FKTN: variants seen among roughly 807,000 people sequenced by gnomAD.
FKTN encodes fukutin, also known as ribitol-5-phosphate transferase FKTN.
A neutral mutation model predicts 58.6 loss-of-function variants in FKTN; 47 were observed. That is an observed-to-expected ratio of 0.80 (90% CI 0.63 to 1.02). The LOEUF is 1.02. Among genes scored for constraint, FKTN ranks in the 50% least tolerant of loss-of-function variants. FKTN has a pLI of 0.00. For synonymous variants in FKTN, 178 were observed against 191.9 expected, an observed-to-expected ratio of 0.93 and a Z score of 0.60; for missense variants, 516 against 537.3, an observed-to-expected ratio of 0.96 and a Z score of 0.39.
In FKTN at chr9:105,606,869, A is replaced by G. The variant is rs188992967; in HGVS notation, c.648-950A>G. The stretch of plus-strand genomic sequence containing the variant: ...ACCAAGCCATATTTTCAAAATGACC[A>G]AAAAAAATGAGTAGAGATGGAGAAC... On this transcript the variant is annotated intron_variant, in intron 6 of 10. Coordinates refer to ENST00000357998, the MANE Select transcript of FKTN (RefSeq NM_001079802.2). 4.2e-3 allele frequency among the ~76,000 whole-genome samples: 633 copies of G among 151,230 alleles called. 6 individuals carry two copies. Among genetic ancestry groups the G allele is most frequent in the African/African-American group, 0.014 (594 of 41,378 alleles).
rs763737649 is a variant in FKTN at position 105,604,420 on chromosome 9, A to G, written c.575A>G (p.Lys192Arg). ...CTCTGGCACGGCCACTTGAGACTTA[A>G]AGAACACATTGACAGGAAATTTGTT... Reference protein sequence around the residue: ...NYLWHGHLRLKEHIDRKFVPF... With the variant: ...NYLWHGHLRLREHIDRKFVPF... Residue 192 changes from lysine (K) to arginine (R), a missense_variant, in exon 6 of 11, where the codon AAA (lysine) becomes AGA (arginine). Transcript: ENST00000357998. 2.5e-6 allele frequency: 4 copies of G among 1,614,106 alleles called. No homozygotes were observed. The East Asian group carries it at 8.9e-5, about 36-fold the overall frequency.
At position 105,615,275 on chromosome 9, in the gene FKTN, T is replaced by C; in HGVS notation, c.781-3T>C. The C allele has an allele frequency of 6.2e-7, 1 of 1,613,766 alleles. No individual in the cohort carries two copies. Among genetic ancestry groups the C allele is most frequent in the Non-Finnish European group, 8.5e-7 (1 of 1,179,646 alleles). ...AATAGCTGACTATTTATTATATCTG[T>C]AGCAGTACCTTGATGATAACACTGT... On this transcript the variant is annotated splice_polypyrimidine_tract_variant and splice_region_variant and intron_variant, in intron 7 of 10. Coordinates refer to ENST00000357998, the MANE Select transcript of FKTN (RefSeq NM_001079802.2).
Position 105,569,291 on chromosome 9 carries a change from TA to T in FKTN, c.-180-4356del, listed in dbSNP as rs959680513. Among the ~76,000 whole-genome samples, 72 of 151,828 alleles carry T rather than the reference TA, an allele frequency of 4.7e-4. 1 individual carries two copies. Among genetic ancestry groups the T allele is most frequent in the Admixed American group, 1.8e-3 (28 of 15,252 alleles). On this transcript the variant is annotated intron_variant, in intron 1 of 10. Transcript: ENST00000357998. ...TACCCTAGAGCTTAAAATATAATAA[TA>T]AAAAAAATAAGTAAATAAAAAAGAA...
chr9:105,598,040 T>G (rs1356230980), intron 4 of FKTN: 5 of 402,306 alleles, frequency 1.2e-5, no homozygotes, highest in Non-Finnish European at 2.5e-5. Context: ...ATTTAAAGCT[T>G]AAAATAATAG....
intron 3 of FKTN, among the ~76,000 whole-genome samples, chr9:105,579,584 A>G (rs1842460997): frequency 6.6e-6 from 1 of 150,630 alleles, no homozygotes; most frequent in Non-Finnish European, 1.5e-5. Context: ...CTTTACTTCC[A>G]AGTATGTGGT....
intron 1 of FKTN, among the ~76,000 whole-genome samples, chr9:105,564,327 G>A (rs143815259): frequency 0.013 from 2,051 of 152,302 alleles, 27 homozygotes; most frequent in African/African-American, 0.028. Flanking sequence ...AGAGAAGAAG[G>A]CTTCAGACGA....
At chr9:105,634,508 T>TGA (rs1833850115) in intron 10 of FKTN, among the ~76,000 whole-genome samples, 2 of 152,156 alleles carry the variant, frequency 1.3e-5, no homozygotes, top group Non-Finnish European at 2.9e-5. Flanking sequence ...TTATAACTAG[T>TGA]ATTCCTTGGG....
chr9:105,559,806 G>T (rs555726498), intron 1 of FKTN, among the ~76,000 whole-genome samples: 209 of 152,304 alleles, frequency 1.4e-3, no homozygotes, highest in Middle Eastern at 3.4e-3. Context: ...TCTCTCACAG[G>T]TGGTAGTTAA....
chr9:105,572,121 C>G lies in FKTN; in HGVS notation c.-180-1534C>G, dbSNP rs77432901. On this transcript the variant is annotated intron_variant, in intron 1 of 10. Coordinates refer to ENST00000357998, the MANE Select transcript of FKTN (RefSeq NM_001079802.2). ...ATTGTTTTCACAGTTTTGGGAGATA[C>G]AAAATAATTATGATTTATTAGGTTA... 9.1e-3 allele frequency among the ~76,000 whole-genome samples: 1,377 copies of G among 151,926 alleles called. 21 individuals carry two copies. The highest frequency in any genetic ancestry group is 0.032 in the African/African-American group (1,321 of 41,412).
chr9:105,625,256 C>G (rs569764889), intron 10 of FKTN, among the ~76,000 whole-genome samples: 1 of 152,232 alleles, frequency 6.6e-6, no homozygotes, highest in Admixed American at 6.5e-5. Flanking sequence ...TGGAAGTTTT[C>G]TCTGAAAGTG....
chr9:105,565,114 C>T (rs77506496), intron 1 of FKTN, among the ~76,000 whole-genome samples: 51 of 152,224 alleles, frequency 3.4e-4, no homozygotes, highest in Admixed American at 3.3e-3. Flanking sequence ...ATTTTGTCAC[C>T]ACCAGGCCTG....
At chr9:105,600,928 C>T in intron 4 of FKTN, 1 of 464,524 alleles carries the variant, frequency 2.2e-6, no homozygotes, top group Non-Finnish European at 3.9e-6. Flanking sequence ...CATATTTCAC[C>T]TTATATTGAA....
chr9:105,598,857 T>C (rs934888028), intron 4 of FKTN, among the ~76,000 whole-genome samples: 1 of 152,154 alleles, frequency 6.6e-6, no homozygotes, highest in Non-Finnish European at 1.5e-5. Flanking sequence ...AGTTCTGTTA[T>C]CTCATCTTTC....
At chr9:105,598,510 ATGAATGGGC>A (rs1398871551) in intron 4 of FKTN, 1 of 153,604 alleles carries the variant, frequency 6.5e-6, no homozygotes, top group Admixed American at 6.5e-5. Context: ...ACACAGGCAG[ATGAATGGGC>A]TATTATGGTC....
intron 1 of FKTN, among the ~76,000 whole-genome samples, chr9:105,563,326 C>T (rs1027439831): frequency 2.0e-5 from 3 of 152,172 alleles, no homozygotes; most frequent in Non-Finnish European, 4.4e-5. Context: ...GTGCAGCGCA[C>T]CGAGCGTGAG....
rs978338266 is a variant in FKTN at position 105,607,824 on chromosome 9, A to T, written c.653A>T (p.Glu218Val). ...GRYPGAFDRP[E>V]LQQVTVDGLE... ...ATCTTAACTTTTGTTTTCAGGCCAGAGTTACAGCAAGTTACTGTTGATGGA... is the reference window on the plus strand; with the variant it reads ...ATCTTAACTTTTGTTTTCAGGCCAGTGTTACAGCAAGTTACTGTTGATGGA... The change falls in exon 7 of 11, where the codon GAG becomes GTG. Residue 218 changes from glutamate to valine, a missense_variant. Transcript: ENST00000357998. 2.0e-5 allele frequency: 32 copies of T among 1,612,600 alleles called. No homozygotes were observed. Among genetic ancestry groups the T allele is most frequent in the Non-Finnish European group, 2.5e-5 (29 of 1,179,148 alleles).
chr9:105,627,211 A>G (rs774588776), intron 10 of FKTN, among the ~76,000 whole-genome samples: 2 of 152,050 alleles, frequency 1.3e-5, no homozygotes, highest in Non-Finnish European at 2.9e-5. Context: ...ACCTCAAGTA[A>G]TCTGCCCTCC....
At position 105,582,829 on chromosome 9, in the gene FKTN, C is replaced by G. The variant is rs77440169; in HGVS notation, c.105+7692C>G. On this transcript the variant is annotated intron_variant, in intron 3 of 10. Transcript: ENST00000357998. The stretch of plus-strand genomic sequence containing the variant: ...AAGCAGTATACCTGATTTCTCATAT[C>G]TTTTCATAAATAGGAATAACAATAA... Among the ~76,000 whole-genome samples the G allele has an allele frequency of 9.1e-3, 1,378 of 152,200 alleles. 21 individuals are homozygous for G. The highest frequency in any genetic ancestry group is 0.032 in the African/African-American group (1,320 of 41,518).
chr9:105,623,855 T>C (rs1832367006), intron 10 of FKTN, among the ~76,000 whole-genome samples: 1 of 152,182 alleles, frequency 6.6e-6, no homozygotes, highest in African/African-American at 2.4e-5. Context: ...CTAGAAACAA[T>C]GGCAAAGAAG....
Sources: gnomAD v4.1 joint callset for allele counts (sites outside exome capture counted in the v4.1 genomes callset) on GRCh38, gnomAD v4.1.1 for gene constraint, MANE v1.5 for transcripts, NCBI Gene and HGNC (gene_info 2026-07-23, HGNC 2026-07-21) for gene names.